ALDH1A2: variants seen among roughly 807,000 people sequenced by gnomAD.
ALDH1A2 encodes retinal dehydrogenase 2.
In ALDH1A2, 27 loss-of-function variants were observed where a neutral mutation model predicts 60.3. The observed-to-expected ratio is 0.45, with a 90% CI of 0.33 to 0.62. ALDH1A2 has a LOEUF of 0.62. ALDH1A2 is among the 20% of genes least tolerant of loss of function. The probability of loss-of-function intolerance (pLI) is 0.02; values close to 1 mark genes in which losing one functional copy is unlikely to be tolerated. For missense variants in ALDH1A2, 581 were observed against 643.8 expected, an observed-to-expected ratio of 0.90 and a Z score of 1.06; for synonymous variants, 289 against 232.4, an observed-to-expected ratio of 1.24 and a Z score of -2.21.
intron 1 of ALDH1A2, among the ~76,000 whole-genome samples, chr15:58,060,944 T>C (rs1373581591): frequency 6.6e-6 from 1 of 152,252 alleles, no homozygotes; most frequent in East Asian, 1.9e-4. Context: ...TAAATCATTG[T>C]GCTTCATTGA....
intron 3 of ALDH1A2, among the ~76,000 whole-genome samples, chr15:58,013,109 CTG>C (rs1486672401): frequency 1.1e-4 from 17 of 152,204 alleles, no homozygotes; most frequent in African/African-American, 4.1e-4. Flanking sequence ...CTATCTCCTG[CTG>C]TCTCTCCTTT....
chr15:58,012,282 T>G (rs1284703212), intron 3 of ALDH1A2: 1 of 152,210 alleles, frequency 6.6e-6, no homozygotes, highest in Non-Finnish European at 1.5e-5. Context: ...TATCTTTAGC[T>G]CAATTAAACA....
intron 1 of ALDH1A2, among the ~76,000 whole-genome samples, chr15:58,054,133 C>A (rs987969382): frequency 1.6e-4 from 25 of 152,052 alleles, no homozygotes; most frequent in African/African-American, 6.0e-4. Context: ...CATAACTAAC[C>A]ATTTCATGCA....
chr15:58,035,761 G>T (rs1896362828), intron 1 of ALDH1A2, among the ~76,000 whole-genome samples: 1 of 151,702 alleles, frequency 6.6e-6, no homozygotes, highest in Admixed American at 6.6e-5. Flanking sequence ...TGTAATCTGA[G>T]AATATCTTTT....
intron 1 of ALDH1A2, among the ~76,000 whole-genome samples, chr15:58,042,902 T>G (rs1426639248): frequency 6.6e-6 from 1 of 151,968 alleles, no homozygotes; most frequent in Non-Finnish European, 1.5e-5. Flanking sequence ...CAAATTGAAT[T>G]GCAGTCTTCT....
At chr15:58,009,902 T>C (rs929519651) in intron 4 of ALDH1A2, among the ~76,000 whole-genome samples, 1 of 152,134 alleles carries the variant, frequency 6.6e-6, no homozygotes, top group East Asian at 1.9e-4. Flanking sequence ...ATCACTAGTA[T>C]TCAAGCACAG....
At chr15:57,970,181 A>G (rs767843312) in intron 7 of ALDH1A2, among the ~76,000 whole-genome samples, 2 of 152,250 alleles carry the variant, frequency 1.3e-5, no homozygotes, top group Non-Finnish European at 2.9e-5. Flanking sequence ...CCACAGCTGC[A>G]CTGAATGATG....
At chr15:58,009,855 T>C (rs1450180885) in intron 4 of ALDH1A2, among the ~76,000 whole-genome samples, 2 of 152,132 alleles carry the variant, frequency 1.3e-5, no homozygotes, top group Non-Finnish European at 2.9e-5. Flanking sequence ...TGCCTTTCTC[T>C]TGGGGTTGCT....
rs183321314 is a variant in ALDH1A2, at chr15:57,963,330, C to T, written c.1086+555G>A. The stretch of plus-strand genomic sequence containing the variant: ...AGAACTGAGAGACTCCAGCTTAGTC[C>T]CAAAGGTCAGAATATTCTTTTTTTT... On this transcript the variant is annotated intron_variant, in intron 9 of 12. Transcript: ENST00000249750. Among the ~76,000 whole-genome samples, 29 of 150,962 alleles carry T rather than the reference C, an allele frequency of 1.9e-4. 1 individual carries two copies. The East Asian group carries it at 4.7e-3, about 24-fold the overall frequency.
chr15:58,059,899 A>G (rs1490004932), intron 1 of ALDH1A2, among the ~76,000 whole-genome samples: 5 of 152,204 alleles, frequency 3.3e-5, no homozygotes, highest in African/African-American at 1.2e-4. Context: ...TACATAAAAC[A>G]GACCGGTTTT....
At chr15:58,008,283 C>CA (rs1895522913) in intron 4 of ALDH1A2, among the ~76,000 whole-genome samples, 3 of 151,912 alleles carry the variant, frequency 2.0e-5, no homozygotes, top group Admixed American at 6.6e-5. Context: ...GAGAATTCAT[C>CA]GTTTTTTTTC....
intron 1 of ALDH1A2, among the ~76,000 whole-genome samples, chr15:58,064,933 G>A (rs1897135587): frequency 2.6e-5 from 4 of 152,166 alleles, no homozygotes; most frequent in Admixed American, 2.6e-4. Context: ...AGTTTCCCAG[G>A]GAAACTGCCG....
rs1274623436 is a variant in ALDH1A2 at position 57,992,846 on chromosome 15, G to A, written c.685-28C>T. 4.3e-6 allele frequency: 7 copies of A among 1,613,692 alleles called. No homozygotes were observed. In the African/African-American group the frequency reaches 6.7e-5, roughly 15 times the overall value. ...AAGAAAACAGAACAGGAGGAAACGT[G>A]GCTGATGAAAGCTGATGCATCATGT... On this transcript the variant is annotated intron_variant, in intron 6 of 12. Coordinates refer to ENST00000249750, the MANE Select transcript of ALDH1A2 (RefSeq NM_003888.4).
At chr15:58,011,054 A>G (rs1895618981) in intron 3 of ALDH1A2, among the ~76,000 whole-genome samples, 1 of 152,200 alleles carries the variant, frequency 6.6e-6, no homozygotes, top group African/African-American at 2.4e-5. Flanking sequence ...CTAATGATAA[A>G]GAAATGTTCT....
At chr15:57,977,935 G>T (rs559180998) in intron 7 of ALDH1A2, among the ~76,000 whole-genome samples, 3 of 152,140 alleles carry the variant, frequency 2.0e-5, no homozygotes, top group East Asian at 3.9e-4. Flanking sequence ...TTTTATTCCT[G>T]AGTATTTTAT....
rs1278111926 is a variant in ALDH1A2, at chr15:58,065,537, G to A, written c.114C>T (p.Thr38=). Residue 38 remains threonine (T), a synonymous_variant, in exon 1 of 13, where the codon ACC becomes ACT. Transcript: ENST00000249750. Reference sequence around the variant, plus strand: ...CGGGCGCTGGGCGGCCGCTTACCTTGGTGTACTTAATTTCGAGATTGGGCG... The same window carrying A: ...CGGGCGCTGGGCGGCCGCTTACCTTAGTGTACTTAATTTCGAGATTGGGCG... ...SPTPNLEIKY[T]KIFINNEWQN... is the part of the protein sequence containing the mutation. The A allele has an allele frequency of 6.2e-7, 1 of 1,612,050 alleles. No homozygotes were observed. Among genetic ancestry groups the A allele is most frequent in the Non-Finnish European group, 8.5e-7 (1 of 1,178,286 alleles).
intron 1 of ALDH1A2, among the ~76,000 whole-genome samples, chr15:58,033,666 G>A (rs1471931793): frequency 2.1e-5 from 3 of 143,952 alleles, no homozygotes; most frequent in Non-Finnish European, 4.5e-5. Flanking sequence ...GAAGTTGTAA[G>A]TTCAGTGTTA....
At chr15:57,959,166 A>ATGAT (rs1893639388) in intron 12 of ALDH1A2, among the ~76,000 whole-genome samples, 1 of 152,220 alleles carries the variant, frequency 6.6e-6, no homozygotes, top group African/African-American at 2.4e-5. Context: ...TTTTATGCTC[A>ATGAT]TGATTCACCC....
intron 7 of ALDH1A2, among the ~76,000 whole-genome samples, chr15:57,981,884 G>C (rs1048088103): frequency 3.9e-5 from 6 of 152,210 alleles, no homozygotes; most frequent in African/African-American, 7.2e-5. Context: ...ATACCTAATA[G>C]AGAAAGGAAA....
Sources: gnomAD v4.1 joint callset for allele counts (sites outside exome capture counted in the v4.1 genomes callset) on GRCh38, gnomAD v4.1.1 for gene constraint, MANE v1.5 for transcripts, NCBI Gene and HGNC (gene_info 2026-07-23, HGNC 2026-07-21) for gene names.